LCLAT1: variants seen among roughly 807,000 people sequenced by gnomAD.
The protein encoded by LCLAT1 is 1-AGP acyltransferase 8.
Under a neutral mutation model 30.7 loss-of-function variants are expected in LCLAT1, and 11 were observed. The ratio of observed to expected loss-of-function variants is 0.36; its 90% CI spans 0.23 to 0.59. LCLAT1 has a LOEUF of 0.59. LCLAT1 is among the 20% of genes least tolerant of loss of function. LCLAT1 has a pLI of 0.77. For missense variants in LCLAT1, 402 were observed against 458.6 expected (o/e 0.88, Z 1.13); for synonymous variants, 155 against 151.3 (o/e 1.02, Z -0.18).
chr2:30,628,762 A>G (rs923641961), intron 5 of LCLAT1, among the ~76,000 whole-genome samples: 6 of 152,228 alleles, frequency 3.9e-5, no homozygotes, highest in African/African-American at 1.4e-4. Context: ...TCCATTTGAA[A>G]GAAAGTAAAG....
At chr2:30,485,554 T>A (rs1271302335) in intron 1 of LCLAT1, among the ~76,000 whole-genome samples, 1 of 152,094 alleles carries the variant, frequency 6.6e-6, no homozygotes, top group Non-Finnish European at 1.5e-5. Context: ...TGCTCTTAAG[T>A]GTTCTTTTTG....
chr2:30,487,916 A>G (rs538831291), intron 1 of LCLAT1, among the ~76,000 whole-genome samples: 186 of 152,362 alleles, frequency 1.2e-3, no homozygotes, highest in African/African-American at 4.4e-3. Context: ...AGAGCAGACC[A>G]CAAGCACTCC....
intron 1 of LCLAT1, among the ~76,000 whole-genome samples, chr2:30,503,455 A>G (rs1234461190): frequency 1.3e-5 from 2 of 152,184 alleles, no homozygotes; most frequent in East Asian, 3.8e-4. Context: ...TTTGAGGACT[A>G]TAATAAGTAA....
chr2:30,453,274 G>GT (rs1442223123), intron 1 of LCLAT1, among the ~76,000 whole-genome samples: 10 of 152,262 alleles, frequency 6.6e-5, no homozygotes, highest in Admixed American at 4.6e-4. Context: ...AAAGAGGAAT[G>GT]AGTGGTGGCG....
At position 30,552,568 on chromosome 2, in the gene LCLAT1, C is replaced by G. The variant is rs559817651; in HGVS notation, c.365-9578C>G. ...TGCTGCAAAAATGTCATAAAATTAC[C>G]TGTCATCAGAGTTTTTAAAAGCCTT... On this transcript the variant is annotated intron_variant, in intron 3 of 5. Transcript: ENST00000379509. 1.3e-4 allele frequency: 58 copies of G among 448,294 alleles called. No individual in the cohort carries two copies. The East Asian group carries it at 4.0e-3, about 31-fold the overall frequency. The allele number at this position is 448,294 out of a possible 1,614,324, so 27.8% of individuals were successfully genotyped here.
At chr2:30,465,263 A>AG (rs1232637070) in intron 1 of LCLAT1, among the ~76,000 whole-genome samples, 2 of 152,114 alleles carry the variant, frequency 1.3e-5, no homozygotes, top group African/African-American at 4.8e-5. Flanking sequence ...AGGAGGAGGC[A>AG]GTTGGACCAG....
chr2:30,457,785 C>T lies in LCLAT1; in HGVS notation c.-5+10402C>T, dbSNP rs186461135. Among the ~76,000 whole-genome samples the T allele has an allele frequency of 1.1e-4, 16 of 152,226 alleles. No homozygotes were observed. The East Asian group carries it at 3.1e-3, about 29-fold the overall frequency. On this transcript the variant is annotated intron_variant, in intron 1 of 5. Coordinates refer to ENST00000379509, the MANE Select transcript of LCLAT1 (RefSeq NM_001002257.3). ...TTAACAGATTGAACTCCAAATTTAG[C>T]CTGAGTTTGAATCCCATTTACTGTT...
At chr2:30,574,392 C>A (rs1665908562) in intron 5 of LCLAT1, among the ~76,000 whole-genome samples, 1 of 152,096 alleles carries the variant, frequency 6.6e-6, no homozygotes, top group African/African-American at 2.4e-5. Flanking sequence ...TTAGAAGAAG[C>A]ATTTTTGAAA....
intron 3 of LCLAT1, among the ~76,000 whole-genome samples, chr2:30,542,214 C>G (rs1285476322): frequency 6.6e-6 from 1 of 152,096 alleles, no homozygotes; most frequent in African/African-American, 2.4e-5. Flanking sequence ...CAAACTTTAT[C>G]TTCATGAGGT....
In LCLAT1 at chr2:30,602,468, C is replaced by G. The variant is rs139470391; in HGVS notation, c.628+34292C>G. On this transcript the variant is annotated intron_variant, in intron 5 of 5. Coordinates refer to ENST00000379509, the MANE Select transcript of LCLAT1 (RefSeq NM_001002257.3). ...GTGAATTTTGTTTCGGTGGTCCCCA[C>G]CTTACCCTTTCAGTAACTGCCATCA... Among the ~76,000 whole-genome samples, 44 of 152,226 alleles carry G rather than the reference C, an allele frequency of 2.9e-4. No homozygotes were observed. The East Asian group carries it at 8.1e-3, about 28-fold the overall frequency.
At chr2:30,605,139 T>G (rs1233511299) in intron 5 of LCLAT1, among the ~76,000 whole-genome samples, 1 of 152,242 alleles carries the variant, frequency 6.6e-6, no homozygotes, top group Non-Finnish European at 1.5e-5. Flanking sequence ...CCAAAATGTT[T>G]GTGTGTATTG....
At position 30,599,856 on chromosome 2, in the gene LCLAT1, G is replaced by A. The variant is rs372674276; in HGVS notation, c.628+31680G>A. Among the ~76,000 whole-genome samples, 5 of 152,074 alleles carry A rather than the reference G, an allele frequency of 3.3e-5. No homozygotes were observed. The East Asian group carries it at 7.7e-4, about 23-fold the overall frequency. On this transcript the variant is annotated intron_variant, in intron 5 of 5. Coordinates refer to ENST00000379509, the MANE Select transcript of LCLAT1 (RefSeq NM_001002257.3). Reference sequence around the variant, plus strand: ...ATGTATGTCTTTGCATGTGAGATGGGTCTTGTCTTTTTATCTAGCTTGCCA... The same window carrying A: ...ATGTATGTCTTTGCATGTGAGATGGATCTTGTCTTTTTATCTAGCTTGCCA...
chr2:30,559,116 A>G (rs979164135), intron 3 of LCLAT1, among the ~76,000 whole-genome samples: 2 of 152,176 alleles, frequency 1.3e-5, no homozygotes. Context: ...ATAAGAATAT[A>G]TACTGTGTGA....
chr2:30,483,059 A>C (rs1683395623), intron 1 of LCLAT1, among the ~76,000 whole-genome samples: 1 of 152,180 alleles, frequency 6.6e-6, no homozygotes, highest in Non-Finnish European at 1.5e-5. Flanking sequence ...AATTTAAATA[A>C]ATTTGGACTT....
chr2:30,599,961 C>T (rs1455219192), intron 5 of LCLAT1, among the ~76,000 whole-genome samples: 1 of 152,170 alleles, frequency 6.6e-6, no homozygotes, highest in African/African-American at 2.4e-5. Context: ...CATCATAATG[C>T]TGGCTGGTTA....
At chr2:30,536,249 C>T (rs1195058611) in intron 3 of LCLAT1, among the ~76,000 whole-genome samples, 3 of 152,068 alleles carry the variant, frequency 2.0e-5, no homozygotes, top group Non-Finnish European at 4.4e-5. Flanking sequence ...GAAAACTTTC[C>T]AAGTCTTGGG....
intron 1 of LCLAT1, among the ~76,000 whole-genome samples, chr2:30,448,931 G>A (rs1681403652): frequency 6.6e-6 from 1 of 152,128 alleles, no homozygotes; most frequent in South Asian, 2.1e-4. Context: ...TGTGTGAAAG[G>A]GCTTTAAAAA....
intron 5 of LCLAT1, among the ~76,000 whole-genome samples, chr2:30,631,375 T>C (rs528668135): frequency 1.3e-4 from 20 of 152,330 alleles, no homozygotes; most frequent in Middle Eastern, 6.8e-3. Flanking sequence ...GATATAGGGT[T>C]GCCATGATTA....
At chr2:30,590,730 A>C (rs547144861) in intron 5 of LCLAT1, among the ~76,000 whole-genome samples, 1 of 151,954 alleles carries the variant, frequency 6.6e-6, no homozygotes. Context: ...TGGCATGGAA[A>C]TATATTAAAT....
Sources: allele counts gnomAD v4.1 joint callset (sites outside exome capture counted in the v4.1 genomes callset), GRCh38; gene constraint gnomAD v4.1.1; transcripts MANE v1.5; gene names NCBI Gene and HGNC (gene_info 2026-07-23, HGNC 2026-07-21).